Variants in PTPRN2 observed in about 807,000 individuals in gnomAD.
PTPRN2 encodes the protein protein tyrosine phosphatase receptor type N2.
PTPRN2 carries 74 observed loss-of-function variants against 118.8 expected under a neutral mutation model. The observed-to-expected ratio is 0.62, with a 90% CI of 0.52 to 0.76. PTPRN2 has a LOEUF of 0.76. Ranked by LOEUF, PTPRN2 falls within the 30% of genes least tolerant of loss-of-function variation. The pLI is 0.00. For synonymous variants in PTPRN2, 641 were observed against 608.0 expected, an observed-to-expected ratio of 1.05 and a Z score of -0.80; for missense variants, 1,481 against 1,394.4, an observed-to-expected ratio of 1.06 and a Z score of -0.99.
chr7:158,476,920 G>A (rs1231774813), intron 2 of PTPRN2, among the ~76,000 whole-genome samples: 1 of 152,222 alleles, frequency 6.6e-6, no homozygotes, highest in Non-Finnish European at 1.5e-5. Flanking sequence ...ACATGTGTGT[G>A]AGACCCAAAC....
chr7:158,432,730 G>A (rs1816311865), intron 2 of PTPRN2, among the ~76,000 whole-genome samples: 1 of 152,166 alleles, frequency 6.6e-6, no homozygotes, highest in Admixed American at 6.5e-5. Context: ...CCTGGCCCGG[G>A]ATTTCCAGGA....
intron 22 of PTPRN2, among the ~76,000 whole-genome samples, chr7:157,545,756 C>T (rs1798287862): frequency 6.6e-6 from 1 of 152,136 alleles, no homozygotes; most frequent in Admixed American, 6.5e-5. Flanking sequence ...GTTTTGCTGT[C>T]AGGGCCTGCG....
chr7:158,129,298 A>G (rs1208333655), intron 9 of PTPRN2, among the ~76,000 whole-genome samples: 1 of 150,844 alleles, frequency 6.6e-6, no homozygotes, highest in Non-Finnish European at 1.5e-5. Flanking sequence ...CATAAACCAC[A>G]CAGGACACCA....
chr7:157,721,236 T>G (rs946832515), intron 12 of PTPRN2, among the ~76,000 whole-genome samples: 2 of 152,198 alleles, frequency 1.3e-5, no homozygotes, highest in Non-Finnish European at 2.9e-5. Context: ...CCATTAGTGT[T>G]GCTCTGGGTG....
intron 1 of PTPRN2, among the ~76,000 whole-genome samples, chr7:158,510,163 G>T (rs760680446): frequency 6.6e-6 from 1 of 152,180 alleles, no homozygotes; most frequent in Non-Finnish European, 1.5e-5. Flanking sequence ...CCTGGTGTGC[G>T]GGGACACATT....
At chr7:158,152,029 C>T (rs1262973370) in intron 6 of PTPRN2, among the ~76,000 whole-genome samples, 1 of 151,970 alleles carries the variant, frequency 6.6e-6, no homozygotes, top group Non-Finnish European at 1.5e-5. Flanking sequence ...AAAAAATTAG[C>T]CGGGCGTGGT....
At chr7:157,756,946 A>G (rs1801816340) in intron 12 of PTPRN2, among the ~76,000 whole-genome samples, 1 of 152,186 alleles carries the variant, frequency 6.6e-6, no homozygotes, top group Admixed American at 6.5e-5. Context: ...TCTGCGAAAC[A>G]TGGACGGAGC....
intron 12 of PTPRN2, among the ~76,000 whole-genome samples, chr7:157,879,381 G>A (rs550282737): frequency 2.6e-5 from 4 of 152,026 alleles, no homozygotes; most frequent in Non-Finnish European, 4.4e-5. Flanking sequence ...ACGTGCATGT[G>A]CACACACACA....
intron 2 of PTPRN2, among the ~76,000 whole-genome samples, chr7:158,393,618 G>A (rs1812111012): frequency 6.6e-6 from 1 of 152,202 alleles, no homozygotes. Flanking sequence ...GGAAGTGGAA[G>A]TCATCTTTCA....
At position 158,010,264 on chromosome 7, in the gene PTPRN2, G is replaced by T. The variant is rs926490720; in HGVS notation, c.1723+71034C>A. ...TCCAGGTCCGTCCTTTCCTTCCTCT[G>T]CTCACCCATCCACCAGCTCAGCACC... On this transcript the variant is annotated intron_variant, in intron 11 of 22. Transcript: ENST00000389418. Among the ~76,000 whole-genome samples the T allele has an allele frequency of 5.3e-5, 8 of 152,194 alleles. No individual in the cohort carries two copies. The East Asian group carries it at 9.7e-4, about 18-fold the overall frequency.
chr7:157,895,052 C>CT (rs896834067), intron 12 of PTPRN2, among the ~76,000 whole-genome samples: 1 of 147,178 alleles, frequency 6.8e-6, no homozygotes, highest in Admixed American at 6.7e-5. Context: ...GAGGACCCCT[C>CT]CCCCACAGGA....
intron 6 of PTPRN2, among the ~76,000 whole-genome samples, chr7:158,147,803 T>A (rs1330411169): frequency 1.3e-4 from 14 of 104,460 alleles, no homozygotes; most frequent in Admixed American, 1.3e-3. Context: ...ACACCCCATT[T>A]CACGCCACAC....
At chr7:157,880,460 G>A (rs1001615030) in intron 12 of PTPRN2, among the ~76,000 whole-genome samples, 3 of 152,336 alleles carry the variant, frequency 2.0e-5, no homozygotes, top group Non-Finnish European at 2.9e-5. Flanking sequence ...AGGGGGCACC[G>A]GCAGCTCCTG....
At chr7:157,703,723 A>T (rs1292225620) in intron 12 of PTPRN2, among the ~76,000 whole-genome samples, 2 of 152,014 alleles carry the variant, frequency 1.3e-5, no homozygotes, top group Non-Finnish European at 2.9e-5. Context: ...CCACCTCAGC[A>T]CGCTCCCCTC....
At chr7:158,322,958 A>G (rs1201045710) in intron 2 of PTPRN2, among the ~76,000 whole-genome samples, 1 of 152,196 alleles carries the variant, frequency 6.6e-6, no homozygotes, top group African/African-American at 2.4e-5. Flanking sequence ...ACCTGGATAG[A>G]CTGGAGCCAT....
rs1199434715 is a variant in PTPRN2 at position 157,729,686 on chromosome 7, G to A, written c.1789-46749C>T. On this transcript the variant is annotated intron_variant, in intron 12 of 22. Transcript: ENST00000389418. The surrounding 1 kb of genome is among the most constrained non-coding windows in gnomAD (Gnocchi z 4.3). Reference sequence around the variant, plus strand: ...CAGGGAGGTCCTGGGAGGGTCGCTAGGGTGAGGACGCTGAGAGCCCATGTG... The same window carrying A: ...CAGGGAGGTCCTGGGAGGGTCGCTAAGGTGAGGACGCTGAGAGCCCATGTG... Among the ~76,000 whole-genome samples the A allele has an allele frequency of 2.0e-5, 3 of 152,288 alleles. No individual in the cohort carries two copies. The highest frequency in any genetic ancestry group is 7.2e-5 in the African/African-American group (3 of 41,562).
chr7:157,756,963 C>G (rs1344737607), intron 12 of PTPRN2, among the ~76,000 whole-genome samples: 1 of 152,178 alleles, frequency 6.6e-6, no homozygotes, highest in Admixed American at 6.5e-5. Context: ...GAGCCTGGAA[C>G]ATGCAGGGCC....
Position 157,656,338 on chromosome 7 carries a change from G to A in PTPRN2, c.2196+19C>T, listed in dbSNP as rs957574889. 1.3e-6 allele frequency: 2 copies of A among 1,538,252 alleles called. No homozygotes were observed. Among genetic ancestry groups the A allele is most frequent in the African/African-American group, 1.4e-5 (1 of 72,786 alleles). ...GGCCCTGGTGTTTGTGTGGCAGGGA[G>A]TGCAAAGACTGGGCTTACCAGGATC... On this transcript the variant is annotated intron_variant, in intron 14 of 22. Transcript: ENST00000389418.
chr7:158,343,793 C>A (rs951952390), intron 2 of PTPRN2, among the ~76,000 whole-genome samples: 1 of 152,132 alleles, frequency 6.6e-6, no homozygotes, highest in Non-Finnish European at 1.5e-5. Flanking sequence ...AAGCAGGGCT[C>A]GCGCAGAGGC....
Sources: allele counts gnomAD v4.1 joint callset (sites outside exome capture counted in the v4.1 genomes callset), GRCh38; gene constraint gnomAD v4.1.1; non-coding constraint Gnocchi (gnomAD v3.1); transcripts MANE v1.5; gene names NCBI Gene and HGNC (gene_info 2026-07-23, HGNC 2026-07-21).